ASCC3: variants seen among roughly 807,000 people sequenced by gnomAD.
The protein encoded by ASCC3 is ASC-1 complex subunit P200.
ASCC3 carries 158 observed loss-of-function variants against 256.3 expected under a neutral mutation model. That is an observed-to-expected ratio of 0.62 (90% CI 0.54 to 0.70). The LOEUF is 0.70. Ranked by LOEUF, ASCC3 falls within the 30% of genes least tolerant of loss-of-function variation. The pLI, the probability that ASCC3 is intolerant of heterozygous loss-of-function variation, is 0.00. For missense variants in ASCC3, 2,259 were observed against 2,626.0 expected, an observed-to-expected ratio of 0.86 and a Z score of 3.05; for synonymous variants, 948 against 883.4, an observed-to-expected ratio of 1.07 and a Z score of -1.30.
At chr6:100,587,921 G>T (rs958419535) in intron 36 of ASCC3, among the ~76,000 whole-genome samples, 1 of 152,118 alleles carries the variant, frequency 6.6e-6, no homozygotes, top group African/African-American at 2.4e-5. Context: ...GGAGTAAACA[G>T]GGGTACAGAA....
intron 36 of ASCC3, among the ~76,000 whole-genome samples, chr6:100,580,020 T>C (rs975546406): frequency 6.6e-6 from 1 of 152,150 alleles, no homozygotes; most frequent in African/African-American, 2.4e-5. Flanking sequence ...GTTTTACAAT[T>C]CTCGTTATAG....
At chr6:100,828,262 GGATAAAAAAA>G (rs1435365894) in intron 4 of ASCC3, among the ~76,000 whole-genome samples, 6 of 151,966 alleles carry the variant, frequency 3.9e-5, no homozygotes, top group Non-Finnish European at 8.8e-5. Context: ...GAGGAAATGG[GGATAAAAAAA>G]GTACAAGGTA....
chr6:100,543,237 T>C (rs1362208259), intron 36 of ASCC3, among the ~76,000 whole-genome samples: 1 of 152,176 alleles, frequency 6.6e-6, no homozygotes, highest in African/African-American at 2.4e-5. Context: ...GTAAATGCTA[T>C]GTACATAGTT....
chr6:100,714,780 A>G (rs1414972239), intron 13 of ASCC3, among the ~76,000 whole-genome samples: 1 of 152,108 alleles, frequency 6.6e-6, no homozygotes, highest in Non-Finnish European at 1.5e-5. Flanking sequence ...AAAATGCCTC[A>G]AGAATGCTCA....
chr6:100,563,411 A>G (rs1770056952), intron 36 of ASCC3, among the ~76,000 whole-genome samples: 1 of 152,166 alleles, frequency 6.6e-6, no homozygotes, highest in Non-Finnish European at 1.5e-5. Context: ...TTTTTCCAAA[A>G]AGTTATACGA....
chr6:100,642,141 T>C (rs1009819790), intron 24 of ASCC3, among the ~76,000 whole-genome samples: 16 of 151,346 alleles, frequency 1.1e-4, no homozygotes, highest in Non-Finnish European at 2.2e-4. Context: ...TGTGCACATG[T>C]ACCCTAAAAG....
intron 3 of ASCC3, among the ~76,000 whole-genome samples, chr6:100,861,278 T>C (rs1773212264): frequency 1.3e-5 from 2 of 152,222 alleles, no homozygotes; most frequent in South Asian, 4.1e-4. Context: ...TTTCTTCACA[T>C]ACAAAATGAA....
intron 1 of ASCC3, among the ~76,000 whole-genome samples, chr6:100,876,096 C>A (rs189962371): frequency 3.5e-4 from 53 of 152,144 alleles, no homozygotes; most frequent in African/African-American, 1.3e-3. Flanking sequence ...TCTGAGAATG[C>A]AGGCGAGAAT....
chr6:100,862,505 A>G (rs549645608), intron 3 of ASCC3, among the ~76,000 whole-genome samples: 28 of 152,340 alleles, frequency 1.8e-4, no homozygotes, highest in Admixed American at 1.3e-3. Flanking sequence ...ACGTAACAGA[A>G]ACACAATCCA....
intron 36 of ASCC3, among the ~76,000 whole-genome samples, chr6:100,584,311 T>A (rs576012834): frequency 1.9e-3 from 290 of 151,794 alleles, no homozygotes; most frequent in Non-Finnish European, 3.7e-3. Flanking sequence ...TTAGCTCTTC[T>A]TGTTGAATTG....
chr6:100,878,858 T>C (rs1322459037), intron 1 of ASCC3, among the ~76,000 whole-genome samples: 1 of 152,192 alleles, frequency 6.6e-6, no homozygotes, highest in Non-Finnish European at 1.5e-5. Context: ...CAATCACTTC[T>C]GCAGCAGACA....
rs1259521702 is a variant in ASCC3 at position 100,679,600 on chromosome 6, G to A, written c.2286+18C>T. On this transcript the variant is annotated intron_variant, in intron 14 of 41. Coordinates refer to ENST00000369162, the MANE Select transcript of ASCC3 (RefSeq NM_006828.4). The stretch of plus-strand genomic sequence containing the variant: ...TGGCATGTTACATGCTTTAGTTCTT[G>A]TCCTCTTTGTTTCTTACCTGTTTTT... 5.6e-6 allele frequency: 9 copies of A among 1,612,890 alleles called. No individual in the cohort carries two copies. Among genetic ancestry groups the A allele is most frequent in the Non-Finnish European group, 5.9e-6 (7 of 1,179,424 alleles).
chr6:100,685,102 C>T (rs887079379), intron 13 of ASCC3, among the ~76,000 whole-genome samples: 16 of 152,182 alleles, frequency 1.1e-4, no homozygotes, highest in East Asian at 3.9e-4. Context: ...CCACCATGCG[C>T]GGCCAAATCA....
chr6:100,861,367 A>G (rs1773215846), intron 3 of ASCC3, among the ~76,000 whole-genome samples: 1 of 152,100 alleles, frequency 6.6e-6, no homozygotes. Context: ...CATAGCCTTA[A>G]GTGTCTCATA....
At chr6:100,663,627 G>C (rs1173367027) in intron 14 of ASCC3, among the ~76,000 whole-genome samples, 1 of 152,030 alleles carries the variant, frequency 6.6e-6, no homozygotes, top group Non-Finnish European at 1.5e-5. Context: ...ATGTGAAAAG[G>C]TGAAAGTTTT....
rs1438299889 is a variant in ASCC3 at position 100,589,905 on chromosome 6, C to T, written c.5415+43G>A. 2.5e-6 allele frequency: 4 copies of T among 1,593,572 alleles called. No homozygotes were observed. In the East Asian group the frequency reaches 9.0e-5, roughly 36 times the overall value. On this transcript the variant is annotated intron_variant, in intron 35 of 41. Transcript: ENST00000369162. The stretch of plus-strand genomic sequence containing the variant: ...TAAAAGCAAAAGACCTGTCAAAAAG[C>T]TGGGCAATCTTTTCAATTAGAATGC...
At chr6:100,604,915 T>G (rs1336274045) in intron 33 of ASCC3, among the ~76,000 whole-genome samples, 1 of 152,052 alleles carries the variant, frequency 6.6e-6, no homozygotes, top group Non-Finnish European at 1.5e-5. Context: ...GATAAGTATT[T>G]ATAAGTGAAA....
Position 100,867,967 on chromosome 6 carries a change from G to T in ASCC3, c.31C>A (p.Arg11Ser), listed in dbSNP as rs767266213. The T allele has an allele frequency of 1.9e-6, 3 of 1,613,714 alleles. No individual in the cohort carries two copies. Among genetic ancestry groups the T allele is most frequent in the East Asian group, 2.2e-5 (1 of 44,840 alleles). Reference protein sequence around the residue: MALPRLTGALRSFSNVTKQDN... With the variant: MALPRLTGALSSFSNVTKQDN... ...TGCTTGGTGACATTTGAAAAGGAAC[G>T]CAAGGCTCCTGTGAGACGAGGTAAA... is the stretch of plus-strand genomic sequence containing the variant. Residue 11 changes from arginine (R) to serine (S), a missense_variant, in exon 2 of 42, where the codon CGT becomes AGT. By Grantham distance (110) the Arg-to-Ser change is moderately radical. Coordinates refer to ENST00000369162, the MANE Select transcript of ASCC3 (RefSeq NM_006828.4).
chr6:100,632,460 G>GA (rs371495245), intron 25 of ASCC3, among the ~76,000 whole-genome samples: 2,579 of 148,544 alleles, frequency 0.017, 58 homozygotes, highest in African/African-American at 0.053. Flanking sequence ...CACAGAAATA[G>GA]AAAAAAAAAA....
Sources: gnomAD v4.1 joint callset for allele counts (sites outside exome capture counted in the v4.1 genomes callset) on GRCh38, gnomAD v4.1.1 for gene constraint, MANE v1.5 for transcripts, NCBI Gene and HGNC (gene_info 2026-07-23, HGNC 2026-07-21) for gene names.